UGT1A5: variants seen among roughly 807,000 people sequenced by gnomAD.
The protein encoded by UGT1A5 is UDP glucuronosyltransferase family 1 member A5, also known as UDP-glucuronosyltransferase 1A5.
Under a neutral mutation model 40.3 loss-of-function variants are expected in UGT1A5, and 29 were observed. That is an observed-to-expected ratio of 0.72 (90% confidence interval 0.54 to 0.98). The LOEUF (loss-of-function observed/expected upper bound fraction) is 0.98. Ranked by LOEUF, UGT1A5 falls within the 50% of genes least tolerant of loss-of-function variation. UGT1A5 has a pLI of 0.00. For missense variants in UGT1A5, 678 were observed against 677.9 expected (o/e 1.00, Z 0.00); for synonymous variants, 257 against 262.5 (o/e 0.98, Z 0.20).
chr2:233,754,768 C>T, intron 1 of UGT1A5: 1 of 1,017,180 alleles, frequency 9.8e-7, no homozygotes, highest in Non-Finnish European at 1.4e-6. Context: ...CCCCCACTTC[C>T]CAGGGAGCCA....
rs537688236 is a variant in UGT1A5, at chr2:233,769,340, T to A, written c.1307+901T>A. On this transcript the variant is annotated intron_variant, in intron 4 of 4. Coordinates refer to ENST00000373414, the MANE Select transcript of UGT1A5 (RefSeq NM_019078.2). This position sits in a 1 kb window ranked among gnomAD's most constrained non-coding sequence, Gnocchi z 4.4. ...CACTGGTAATAGGCTTATTAGAACC[T>A]TATGGGAAGAAGTGGTGGCCAGTGG... Among the ~76,000 whole-genome samples the A allele has an allele frequency of 9.2e-5, 14 of 152,346 alleles. No individual in the cohort carries two copies. The highest frequency in any genetic ancestry group is 3.4e-4 in the African/African-American group (14 of 41,584).
At chr2:233,766,971 A>G (rs769177470) in intron 1 of UGT1A5, 63 bp from the exon 2 acceptor site, 76 of 1,610,288 alleles carry the variant, frequency 4.7e-5, no homozygotes, top group Non-Finnish European at 6.1e-5. Flanking sequence ...TTCATAACTT[A>G]CTGTATGTAG....
At chr2:233,745,788 G>A (rs1003270220) in intron 1 of UGT1A5, among the ~76,000 whole-genome samples, 1 of 150,764 alleles carries the variant, frequency 6.6e-6, no homozygotes, top group Non-Finnish European at 1.5e-5. Flanking sequence ...AGACAGGGGG[G>A]CTGGGGTCTA....
chr2:233,764,622 A>G (rs1698606670), intron 1 of UGT1A5, among the ~76,000 whole-genome samples: 1 of 152,124 alleles, frequency 6.6e-6, no homozygotes. Flanking sequence ...GGTTTCATGA[A>G]GAGCAAAGGT....
In UGT1A5 at chr2:233,772,329, G is replaced by T; in HGVS notation, c.1375G>T (p.Ala459Ser). The change falls in exon 5 of 5, where the codon GCC becomes TCC. Residue 459 changes from alanine to serine, a missense_variant. Coordinates refer to ENST00000373414, the MANE Select transcript of UGT1A5 (RefSeq NM_019078.2). Reference protein sequence around the residue: ...KDRPVEPLDLAVFWVEFVMRH... With the variant: ...KDRPVEPLDLSVFWVEFVMRH... ...CCGCCCGGTGGAGCCGCTGGACCTG[G>T]CCGTGTTCTGGGTGGAGTTTGTGAT... 6.2e-7 allele frequency: 1 copy of T among 1,614,164 alleles called. No individual in the cohort carries two copies. The highest frequency in any genetic ancestry group is 8.5e-7 in the Non-Finnish European group (1 of 1,180,030).
intron 1 of UGT1A5, among the ~76,000 whole-genome samples, chr2:233,726,020 TC>T (rs2125716931): frequency 6.6e-6 from 1 of 152,170 alleles, no homozygotes; most frequent in Admixed American, 6.5e-5. Flanking sequence ...CAAAAAATTA[TC>T]CAGGTGTGAT....
chr2:233,753,244 G>A (rs1445000409), intron 1 of UGT1A5: 1 of 152,136 alleles, frequency 6.6e-6, no homozygotes, highest in Non-Finnish European at 1.5e-5. Flanking sequence ...TATTATTTAA[G>A]AAGCAACTAC....
chr2:233,724,358 C>T (rs2077236787), intron 1 of UGT1A5, among the ~76,000 whole-genome samples: 1 of 147,908 alleles, frequency 6.8e-6, no homozygotes, highest in African/African-American at 2.5e-5. Context: ...CACCTCCCTC[C>T]CGGACGGGGT....
intron 1 of UGT1A5, chr2:233,718,839 G>C: frequency 1.2e-6 from 2 of 1,613,658 alleles, no homozygotes; most frequent in Non-Finnish European, 1.7e-6. Context: ...AGGACTCCAG[G>C]TTCCCCTGCC....
chr2:233,728,265 C>G (rs1230027648), intron 1 of UGT1A5, among the ~76,000 whole-genome samples: 1 of 152,182 alleles, frequency 6.6e-6, no homozygotes, highest in Admixed American at 6.5e-5. Context: ...GAAATAAAGA[C>G]TGGAGCCTTC....
At chr2:233,743,793 C>A (rs768890081) in intron 1 of UGT1A5, 2 of 1,367,374 alleles carry the variant, frequency 1.5e-6, no homozygotes, top group Admixed American at 3.8e-5. Flanking sequence ...CTCCTCTCCG[C>A]TTCCTCCTTG....
intron 1 of UGT1A5, chr2:233,744,077 T>C: frequency 4.4e-6 from 2 of 457,126 alleles, no homozygotes; most frequent in Non-Finnish European, 7.3e-6. Flanking sequence ...GCGCCTCGCA[T>C]CCCAAGATGC....
intron 1 of UGT1A5, among the ~76,000 whole-genome samples, chr2:233,765,979 G>A (rs1451312439): frequency 1.3e-5 from 2 of 152,138 alleles, no homozygotes; most frequent in Non-Finnish European, 2.9e-5. Flanking sequence ...GATGTTTACA[G>A]CTCCTGAAGC....
At position 233,728,984 on chromosome 2, in the gene UGT1A5, A is replaced by T. The variant is rs532880751; in HGVS notation, c.867+15126A>T. On this transcript the variant is annotated intron_variant, in intron 1 of 4. Transcript: ENST00000373414. ...AAACAGTGATAGATTAATGGTTAAT[A>T]ATTAACTAGAGGAGGGCACTCTGTC... 6.7e-5 allele frequency: 101 copies of T among 1,514,708 alleles called. 1 individual carries two copies. The South Asian group carries it at 1.2e-3, about 19-fold the overall frequency. The allele number at this position is 1,514,708 out of a possible 1,614,324, so 93.8% of individuals were successfully genotyped here.
intron 1 of UGT1A5, chr2:233,755,708 G>A (rs6747843): frequency 0.3 from 46,013 of 153,542 alleles, 7,045 homozygotes; most frequent in South Asian, 0.39. Context: ...AAGACATCCT[G>A]TTGTTTAGGA....
chr2:233,741,535 C>T (rs1191111579), intron 1 of UGT1A5: 1 of 151,874 alleles, frequency 6.6e-6, no homozygotes, highest in East Asian at 1.9e-4. Context: ...CTGTCTTATT[C>T]TGATACTTCT....
intron 1 of UGT1A5, chr2:233,742,995 C>A (rs1168922692): frequency 4.3e-6 from 1 of 233,716 alleles, no homozygotes; most frequent in African/African-American, 2.3e-5. Flanking sequence ...TAGCAAATTG[C>A]ATACAGATAT....
intron 4 of UGT1A5, 116 bp from the exon 5 acceptor site, chr2:233,772,146 G>A: frequency 6.4e-7 from 1 of 1,552,532 alleles, no homozygotes; most frequent in Non-Finnish European, 8.7e-7. Flanking sequence ...ATAGAAACAG[G>A]TTTCCTTTCC....
chr2:233,715,952 G>A (rs1392770925), intron 1 of UGT1A5, among the ~76,000 whole-genome samples: 1 of 152,134 alleles, frequency 6.6e-6, no homozygotes, highest in Admixed American at 6.5e-5. Flanking sequence ...TTTGTTGACT[G>A]ACTGACTGAT....
Sources: gnomAD v4.1 joint callset for allele counts (sites outside exome capture counted in the v4.1 genomes callset) on GRCh38, gnomAD v4.1.1 for gene constraint, Gnocchi (gnomAD v3.1) non-coding constraint, MANE v1.5 for transcripts, NCBI Gene and HGNC (gene_info 2026-07-23, HGNC 2026-07-21) for gene names.